The following NEU3 variants were observed in gnomAD, a reference collection of about 807,000 sequenced individuals.
NEU3 encodes neuraminidase 3.
A neutral mutation model predicts 11.4 loss-of-function variants in NEU3; 10 were observed. That is an observed-to-expected ratio of 0.88 (90% CI 0.54 to 1.49). The LOEUF is 1.49. Among genes scored for constraint, NEU3 ranks in the 40% most tolerant of loss-of-function variants. The probability of loss-of-function intolerance (pLI) is 0.00; values close to 1 mark genes in which losing one functional copy is unlikely to be tolerated. For synonymous variants in NEU3, 212 were observed against 228.2 expected (o/e 0.93, Z 0.64); for missense variants, 529 against 581.8 (o/e 0.91, Z 0.93).
At chr11:75,005,340 A>G (rs1257731171) in intron 2 of NEU3, 73 bp from the exon 3 acceptor site, 1 of 1,380,528 alleles carries the variant, frequency 7.2e-7, no homozygotes, top group African/African-American at 1.5e-5. Flanking sequence ...TATGAAAAAT[A>G]CTAATACTTT....
Position 75,010,150 on chromosome 11 carries a change from T to C in NEU3, c.*3658T>C, listed in dbSNP as rs1290514609. ...CCTTACCATAGGCTGCCATGTATTA[T>C]TGTCTATGTTGTGCCCTGTAGGCCT... is the stretch of plus-strand genomic sequence containing the variant. On this transcript the variant is annotated 3_prime_UTR_variant, in exon 3 of 3. Transcript: ENST00000294064. The C allele has an allele frequency of 1.3e-5, 2 of 152,266 alleles. No homozygotes were observed. The highest frequency in any genetic ancestry group is 2.9e-5 in the Non-Finnish European group (2 of 68,066). The allele number at this position is 152,266 out of a possible 1,614,324, so 9.4% of individuals were successfully genotyped here.
downstream of NEU3, among the ~76,000 whole-genome samples, chr11:75,020,477 C>T (rs1178741243): frequency 6.6e-6 from 1 of 152,112 alleles, no homozygotes; most frequent in Non-Finnish European, 1.5e-5. Context: ...GCAGGTCTTT[C>T]CCATGCTGCT....
the NEU3 span, among the ~76,000 whole-genome samples, chr11:74,981,091 C>T: frequency 2.0e-5 from 3 of 152,204 alleles, no homozygotes; most frequent in Admixed American, 6.5e-5. Flanking sequence ...ACAGCCAACC[C>T]CCTCCTACAG....
upstream of NEU3, chr11:74,988,365 T>C (rs1253189367): frequency 6.6e-6 from 1 of 152,052 alleles, no homozygotes; most frequent in Non-Finnish European, 1.5e-5. Context: ...TAGTCCCAGA[T>C]AAAAAATGAC....
At chr11:74,984,052 T>C (rs761567805), upstream of NEU3, among the ~76,000 whole-genome samples, 2 of 152,198 alleles carry the variant, frequency 1.3e-5, no homozygotes, top group Non-Finnish European at 2.9e-5. Flanking sequence ...TGAATGGACC[T>C]GGTTCCAGTT....
chr11:74,982,492 T>A, the NEU3 span, among the ~76,000 whole-genome samples: 1 of 152,038 alleles, frequency 6.6e-6, no homozygotes, highest in Non-Finnish European at 1.5e-5. Context: ...CCCAACAGTG[T>A]CTCCAGTGGG....
intron 2 of NEU3, among the ~76,000 whole-genome samples, chr11:75,003,466 C>T (rs1591759870): frequency 6.6e-6 from 1 of 152,174 alleles, no homozygotes; most frequent in South Asian, 2.1e-4. Flanking sequence ...TTTTCAAGTT[C>T]TCAGTGGAAG....
In NEU3 at chr11:74,989,051, G is replaced by T; in HGVS notation, c.-10G>T. ...GCCTTGGGGCCGGTGCCTCTTCCGG[G>T]CTTCGGCGAATGAGACCTGCGGACC... On this transcript the variant is annotated 5_prime_UTR_variant, in exon 1 of 3. Transcript: ENST00000294064. 5.8e-6 allele frequency: 9 copies of T among 1,549,298 alleles called. No homozygotes were observed. Among genetic ancestry groups the T allele is most frequent in the Non-Finnish European group, 7.9e-6 (9 of 1,146,286 alleles).
chr11:75,006,554 A>T lies in NEU3; in HGVS notation c.*62A>T, dbSNP rs761203622. Reference sequence around the variant, plus strand: ...AGTTACAGACAGGTTAACAGAAGCTACTGAAGTCTACAGATAATCAAAAAA... The same window carrying T: ...AGTTACAGACAGGTTAACAGAAGCTTCTGAAGTCTACAGATAATCAAAAAA... On this transcript the variant is annotated 3_prime_UTR_variant, in exon 3 of 3. Transcript: ENST00000294064. 1 of 1,507,072 alleles carries T rather than the reference A, an allele frequency of 6.6e-7. No individual in the cohort carries two copies. The allele number at this position is 1,507,072 out of a possible 1,614,324, so 93.4% of individuals were successfully genotyped here. A position where few individuals can be genotyped will look rare whatever the true frequency, so the allele number is the denominator to read the frequency against.
intron 2 of NEU3, among the ~76,000 whole-genome samples, chr11:74,998,088 A>G (rs1411534332): frequency 2.0e-5 from 3 of 152,188 alleles, no homozygotes; most frequent in Non-Finnish European, 4.4e-5. Context: ...ATTTCAGGGA[A>G]TAGGCTGAAG....
chr11:75,009,157 A>C lies in NEU3; in HGVS notation c.*2665A>C, dbSNP rs544392301. 6.6e-6 allele frequency: 1 copy of C among 152,450 alleles called. No homozygotes were observed. The highest frequency in any genetic ancestry group is 2.1e-4 in the South Asian group (1 of 4,832). 9.4% of individuals were successfully genotyped at this position (152,450 alleles called of 1,614,324 possible). On this transcript the variant is annotated 3_prime_UTR_variant, in exon 3 of 3. Coordinates refer to ENST00000294064, the MANE Select transcript of NEU3 (RefSeq NM_006656.6). ...AGAGTGGGTGATGGCAGCTATGAAG[A>C]AAAAACAGATCAGAAGAAGAGTCCT...
intron 2 of NEU3, among the ~76,000 whole-genome samples, chr11:74,999,183 G>T (rs543696485): frequency 6.6e-6 from 1 of 152,070 alleles, no homozygotes; most frequent in Non-Finnish European, 1.5e-5. Context: ...TTGCCCAGGC[G>T]GGAGTGCAGT....
At position 74,995,492 on chromosome 11, in the gene NEU3, C is replaced by G. The variant is rs117323171; in HGVS notation, c.306+772C>G. 6.3e-4 allele frequency among the ~76,000 whole-genome samples: 96 copies of G among 152,200 alleles called. 2 individuals are homozygous for G. In the East Asian group the frequency reaches 0.017, roughly 26 times the overall value. On this transcript the variant is annotated intron_variant, in intron 2 of 2. Transcript: ENST00000294064. ...TTTCAGATCCCAAATAGGCATACGT[C>G]GGAGATATTGTGGATTTGGTTCCAG...
rs1386437583 is a variant in NEU3 at position 75,005,665 on chromosome 11, A to T, written c.559A>T (p.Lys187Ter). Reference sequence around the variant, plus strand: ...TGAGGAGGTCATTGGCTCAGAGCTGAAGCACTGGGCCACATTTGCTGTGGG... The same window carrying T: ...TGAGGAGGTCATTGGCTCAGAGCTGTAGCACTGGGCCACATTTGCTGTGGG... ...LTEEVIGSEL[K>*]HWATFAVGPG... The change falls in exon 3 of 3, where the codon AAG becomes TAG. Residue 187 changes from lysine to a stop codon, truncating the protein, a stop_gained. Transcript: ENST00000294064. LOFTEE classifies it low-confidence loss of function (END_TRUNC). 1 of 1,614,020 alleles carries T rather than the reference A, an allele frequency of 6.2e-7. No homozygotes were observed. Among genetic ancestry groups the T allele is most frequent in the South Asian group, 1.1e-5 (1 of 91,086 alleles).
rs76899315 is a variant in NEU3 at position 75,018,253 on chromosome 11, C to G, written c.*2-438C>G. 2.6e-3 allele frequency among the ~76,000 whole-genome samples: 402 copies of G among 152,212 alleles called. 2 individuals are homozygous for G. The highest frequency in any genetic ancestry group is 9.3e-3 in the African/African-American group (388 of 41,504). ...GAGATAAGGTGAGCTTGTTCTCCCC[C>G]TCCCTGCCTTCTTCCCACTTGTGAT... is the stretch of plus-strand genomic sequence containing the variant. On this transcript the variant is annotated intron_variant, in intron 3 of 3. Transcript: ENST00000529024.
chr11:75,004,384 T>C, intron 2 of NEU3: 1 of 577,138 alleles, frequency 1.7e-6, no homozygotes. Context: ...GATTACAGCA[T>C]GAGCCACTGT....
At chr11:74,990,457 A>T (rs1264881750) in intron 1 of NEU3, among the ~76,000 whole-genome samples, 3 of 152,070 alleles carry the variant, frequency 2.0e-5, no homozygotes, top group Admixed American at 2.0e-4. Context: ...CCTGGTTTCA[A>T]GTGATTCTCC....
At chr11:75,004,810 C>T (rs1156990043) in intron 2 of NEU3, among the ~76,000 whole-genome samples, 1 of 152,110 alleles carries the variant, frequency 6.6e-6, no homozygotes, top group Non-Finnish European at 1.5e-5. Context: ...CAGTGTAGTA[C>T]AGGAGGGAAA....
chr11:74,995,353 C>G (rs1228641429), intron 2 of NEU3, among the ~76,000 whole-genome samples: 2 of 152,168 alleles, frequency 1.3e-5, no homozygotes, highest in African/African-American at 4.8e-5. Flanking sequence ...GGTCACGCGT[C>G]TAATAAGTGG....
Sources: allele counts gnomAD v4.1 joint callset (sites outside exome capture counted in the v4.1 genomes callset), GRCh38; gene constraint gnomAD v4.1.1; transcripts MANE v1.5; gene names NCBI Gene and HGNC (gene_info 2026-07-23, HGNC 2026-07-21).